The following STK32C variants were observed in gnomAD, a reference collection of about 807,000 sequenced individuals.
STK32C encodes the protein serine/threonine kinase 32C.
STK32C carries 31 observed loss-of-function variants against 56.5 expected under a neutral mutation model. The ratio of observed to expected loss-of-function variants is 0.55; its 90% CI spans 0.41 to 0.74. STK32C has a LOEUF of 0.74. Among genes scored for constraint, STK32C ranks in the 30% least tolerant of loss-of-function variants. The pLI, the probability that STK32C is intolerant of heterozygous loss-of-function variation, is 0.00. For synonymous variants in STK32C, 309 were observed against 289.4 expected, an observed-to-expected ratio of 1.07 and a Z score of -0.69; for missense variants, 544 against 676.9, an observed-to-expected ratio of 0.80 and a Z score of 2.18.
intron 1 of STK32C, among the ~76,000 whole-genome samples, chr10:132,306,184 C>G (rs2066053891): frequency 1.3e-5 from 2 of 152,194 alleles, no homozygotes; most frequent in Admixed American, 6.5e-5. Context: ...AGCACGGTGC[C>G]GAGACCCAGA....
intron 1 of STK32C, among the ~76,000 whole-genome samples, chr10:132,253,477 G>A (rs902358625): frequency 3.7e-5 from 5 of 133,970 alleles, no homozygotes; most frequent in Admixed American, 3.6e-4. Flanking sequence ...GCTGGAGGGA[G>A]TCGAGGGAGC....
intron 2 of STK32C, among the ~76,000 whole-genome samples, chr10:132,240,471 T>C (rs2063462459): frequency 6.6e-6 from 1 of 152,194 alleles, no homozygotes; most frequent in Non-Finnish European, 1.5e-5. Flanking sequence ...ACACAGGCCC[T>C]GCACGGGGGC....
intron 2 of STK32C, among the ~76,000 whole-genome samples, chr10:132,234,966 A>C (rs1409939462): frequency 6.6e-6 from 1 of 152,246 alleles, no homozygotes; most frequent in Non-Finnish European, 1.5e-5. Context: ...TACAGGGGGC[A>C]CCAGACACAC....
At chr10:132,265,285 C>T (rs1018821163) in intron 1 of STK32C, among the ~76,000 whole-genome samples, 2 of 151,960 alleles carry the variant, frequency 1.3e-5, no homozygotes, top group Non-Finnish European at 2.9e-5. Context: ...TGCAGCCACC[C>T]GGGGGACACT....
chr10:132,277,990 A>G (rs2065039189), intron 1 of STK32C, among the ~76,000 whole-genome samples: 1 of 152,180 alleles, frequency 6.6e-6, no homozygotes. Context: ...AGCAGTGGCA[A>G]AGCAAGGCTT....
chr10:132,324,224 T>C (rs1352719874), exon 2 of STK32C: 2 of 779,580 alleles, frequency 2.6e-6, no homozygotes, highest in Admixed American at 1.7e-5. Flanking sequence ...AGAAATTCAT[T>C]AACAATTCAT....
intron 10 of STK32C, among the ~76,000 whole-genome samples, chr10:132,211,746 G>A (rs2062307816): frequency 6.6e-6 from 1 of 152,208 alleles, no homozygotes; most frequent in Non-Finnish European, 1.5e-5. Flanking sequence ...ACTGACTGGT[G>A]TGGGTGTTTG....
chr10:132,208,918 GCAGGGCCACGCACCC>G, intron 11 of STK32C, 101 bp downstream of exon 11: 1 of 913,388 alleles, frequency 1.1e-6, no homozygotes, highest in South Asian at 1.6e-5. Flanking sequence ...CCCAAAGAGA[GCAGGGCCACGCACCC>G]CAGGCCCACA....
At chr10:132,321,094 C>T (rs2066398110), downstream of STK32C, among the ~76,000 whole-genome samples, 1 of 152,272 alleles carries the variant, frequency 6.6e-6, no homozygotes, top group South Asian at 2.1e-4. Context: ...GGATGGAACA[C>T]GGTGAGGCCT....
chr10:132,208,115 G>A lies in STK32C; in HGVS notation c.1356C>T (p.Leu452=), dbSNP rs1201363157. Residue 452 remains leucine (L), a synonymous_variant, in exon 12 of 12, where the codon CTC becomes CTT. Coordinates refer to ENST00000298630, the MANE Select transcript of STK32C (RefSeq NM_173575.4). ...CAGCATCCCTGGACTCAGGGGCGGG[G>A]AGAGGCTCCCTCGGGAGGTCCTGGC... ...KRSQDLPREP[L]PAPESRDAAE... 8.4e-6 allele frequency: 11 copies of A among 1,311,088 alleles called. No homozygotes were observed. Among genetic ancestry groups the A allele is most frequent in the Non-Finnish European group, 1.1e-5 (11 of 1,021,494 alleles). 81.2% of individuals were successfully genotyped at this position (1,311,088 alleles called of 1,614,324 possible).
chr10:132,302,807 C>T (rs913797150), intron 1 of STK32C, among the ~76,000 whole-genome samples: 1 of 152,238 alleles, frequency 6.6e-6, no homozygotes, highest in African/African-American at 2.4e-5. Flanking sequence ...CAGCCCTCGG[C>T]AGCCCCTGGG....
At chr10:132,298,839 G>T (rs2065833163) in intron 1 of STK32C, among the ~76,000 whole-genome samples, 1 of 152,128 alleles carries the variant, frequency 6.6e-6, no homozygotes, top group East Asian at 1.9e-4. Context: ...AAACCTTCAG[G>T]TGACAGCAGC....
rs879364730 is a variant in STK32C at position 132,255,073 on chromosome 10, G to GCACTACTGTGAGAGCTGT, written c.263-9136_263-9119dup. On this transcript the variant is annotated intron_variant, in intron 1 of 11. Coordinates refer to ENST00000298630, the MANE Select transcript of STK32C (RefSeq NM_173575.4). The surrounding 1 kb of genome is among the most constrained non-coding windows in gnomAD (Gnocchi z 4.6). ...TGGGAGGATTGCACAGCAGAAGTGG[G>GCACTACTGTGAGAGCTGT]CACTACTGTGAGAGCTGTCACAAAG... Among the ~76,000 whole-genome samples the GCACTACTGTGAGAGCTGT allele has an allele frequency of 1.3e-5, 2 of 152,196 alleles. No homozygotes were observed. The highest frequency in any genetic ancestry group is 6.5e-5 in the Admixed American group (1 of 15,282).
At chr10:132,229,125 G>A (rs903614574) in intron 2 of STK32C, among the ~76,000 whole-genome samples, 3 of 152,254 alleles carry the variant, frequency 2.0e-5, no homozygotes, top group Admixed American at 2.0e-4. Flanking sequence ...AGGGAAGCCA[G>A]GAATTAAGGC....
At position 132,307,701 on chromosome 10, in the gene STK32C, C is replaced by T; in HGVS notation, c.133G>A (p.Ala45Thr). The T allele has an allele frequency of 6.8e-7, 1 of 1,468,916 alleles. No homozygotes were observed. Among genetic ancestry groups the T allele is most frequent in the South Asian group, 1.3e-5 (1 of 78,320 alleles). 91.0% of individuals were successfully genotyped at this position (1,468,916 alleles called of 1,614,324 possible). ...GAGCGGACATCGCCCGAGTCCCGGG[C>T]CCGGGGCTGGCCAGCAGCGGGCGGC... Reference protein sequence around the residue: ...LPPPAAGQPRARDSGDVRSQP... With the variant: ...LPPPAAGQPRTRDSGDVRSQP... Residue 45 changes from alanine (A) to threonine (T), a missense_variant, in exon 1 of 12, where the codon GCC (alanine) becomes ACC (threonine). By Grantham distance (58) the Ala-to-Thr change is moderately conservative (BLOSUM62 0). Coordinates refer to ENST00000298630, the MANE Select transcript of STK32C (RefSeq NM_173575.4). The surrounding 1 kb of genome is among the most constrained non-coding windows in gnomAD (Gnocchi z 4.4).
At chr10:132,245,848 C>T (rs112203446) in intron 2 of STK32C, 52 bp downstream of exon 2, 59 of 1,567,084 alleles carry the variant, frequency 3.8e-5, no homozygotes, top group Middle Eastern at 3.4e-4. Context: ...TCCGACTCCA[C>T]GGTTCTGCCC....
chr10:132,276,191 C>G (rs2064993880), intron 1 of STK32C, among the ~76,000 whole-genome samples: 1 of 152,202 alleles, frequency 6.6e-6, no homozygotes, highest in South Asian at 2.1e-4. Flanking sequence ...CAGCGAAACA[C>G]AGAAAACAGC....
At position 132,328,568 on chromosome 10, in the gene STK32C, G is replaced by A. The variant is rs571275803; in HGVS notation, c.301+2868C>T. Reference sequence around the variant, plus strand: ...CCCTGGGCAAGAAGGGGGTATTTTCGGGAAAGGGCTATTACCCATTTTGTT... The same window carrying A: ...CCCTGGGCAAGAAGGGGGTATTTTCAGGAAAGGGCTATTACCCATTTTGTT... On this transcript the variant is annotated intron_variant, in intron 1 of 1. Coordinates refer to the STK32C transcript ENST00000368619. Among the ~76,000 whole-genome samples, 95 of 152,224 alleles carry A rather than the reference G, an allele frequency of 6.2e-4. 1 individual carries two copies. The South Asian group carries it at 0.013, about 21-fold the overall frequency.
Position 132,255,327 on chromosome 10 carries a change from G to A in STK32C, c.263-9372C>T, listed in dbSNP as rs2064076798. On this transcript the variant is annotated intron_variant, in intron 1 of 11. Transcript: ENST00000298630. This position sits in a 1 kb window ranked among gnomAD's most constrained non-coding sequence, Gnocchi z 4.6. ...TGGAACCGGCCCGATAGCTCCTCCT[G>A]GCAATGGGTGCCCCCCACTCCCACT... 6.6e-6 allele frequency among the ~76,000 whole-genome samples: 1 copy of A among 152,108 alleles called. No homozygotes were observed. Among genetic ancestry groups the A allele is most frequent in the Non-Finnish European group, 1.5e-5 (1 of 68,000 alleles).
Sources: allele counts gnomAD v4.1 joint callset (sites outside exome capture counted in the v4.1 genomes callset), GRCh38; gene constraint gnomAD v4.1.1; non-coding constraint Gnocchi (gnomAD v3.1); transcripts MANE v1.5; gene names NCBI Gene and HGNC (gene_info 2026-07-23, HGNC 2026-07-21).